CCDC191: variants seen among roughly 807,000 people sequenced by gnomAD.
The protein encoded by CCDC191 is coiled-coil domain containing 191.
In CCDC191, 99 loss-of-function variants were observed where a neutral mutation model predicts 114.0. The ratio of observed to expected loss-of-function variants is 0.87; its 90% CI spans 0.74 to 1.03. The LOEUF is 1.03. Among genes scored for constraint, CCDC191 ranks in the 50% least tolerant of loss-of-function variants. The pLI, the probability that CCDC191 is intolerant of heterozygous loss-of-function variation, is 0.00. For missense variants in CCDC191, 973 were observed against 1,087.0 expected, an observed-to-expected ratio of 0.90 and a Z score of 1.47; for synonymous variants, 351 against 376.0, an observed-to-expected ratio of 0.93 and a Z score of 0.77.
intron 4 of CCDC191, among the ~76,000 whole-genome samples, chr3:114,037,796 A>G (rs2076506584): frequency 6.6e-6 from 1 of 152,230 alleles, no homozygotes. Context: ...TACAATGTAA[A>G]TGCTATGTTA....
intron 8 of CCDC191, among the ~76,000 whole-genome samples, chr3:114,018,323 ATATTT>A (rs143204325): frequency 4.8e-4 from 73 of 150,996 alleles, no homozygotes; most frequent in African/African-American, 1.1e-3. Flanking sequence ...TGTACAATGT[ATATTT>A]TATTTTATTT....
intron 16 of CCDC191, among the ~76,000 whole-genome samples, chr3:113,972,030 T>G (rs972203741): frequency 1.3e-5 from 2 of 152,150 alleles, no homozygotes; most frequent in Non-Finnish European, 2.9e-5. Flanking sequence ...TTATGTCTCC[T>G]TTTTCATTTC....
At position 114,054,722 on chromosome 3, in the gene CCDC191, C is replaced by A. The variant is rs574967505; in HGVS notation, c.91-1087G>T. On this transcript the variant is annotated intron_variant, in intron 1 of 16. Coordinates refer to ENST00000295878, the MANE Select transcript of CCDC191 (RefSeq NM_020817.2). ...AATCAATCTGACTTTTACTGTTTTA[C>A]AAAGCAGAAAATATAAATTTCCACC... 9.5e-4 allele frequency among the ~76,000 whole-genome samples: 144 copies of A among 152,128 alleles called. 1 individual carries two copies. Among genetic ancestry groups the A allele is most frequent in the African/African-American group, 3.3e-3 (139 of 41,504 alleles).
intron 16 of CCDC191, among the ~76,000 whole-genome samples, chr3:113,972,958 T>TA (rs1230593416): frequency 2.0e-5 from 3 of 152,178 alleles, no homozygotes; most frequent in Non-Finnish European, 4.4e-5. Flanking sequence ...ACAGGTGAAG[T>TA]AGGTGTCTTA....
intron 6 of CCDC191, among the ~76,000 whole-genome samples, chr3:114,033,255 G>A (rs1295174515): frequency 6.6e-6 from 1 of 151,938 alleles, no homozygotes; most frequent in Non-Finnish European, 1.5e-5. Flanking sequence ...GTGCCACCAC[G>A]CCCATAAAAG....
intron 11 of CCDC191, chr3:114,004,423 G>C: frequency 1.8e-6 from 2 of 1,115,260 alleles, no homozygotes; most frequent in South Asian, 7.3e-5. Flanking sequence ...TGTTGGCTGG[G>C]AATGCCAAAA....
intron 8 of CCDC191, among the ~76,000 whole-genome samples, chr3:114,013,019 G>A (rs1174927366): frequency 2.0e-5 from 3 of 152,282 alleles, no homozygotes; most frequent in East Asian, 3.9e-4. Context: ...GGAGGCTGAG[G>A]TGAGTGGATC....
At chr3:113,984,635 A>G (rs2075288628) in intron 13 of CCDC191, 1 of 152,220 alleles carries the variant, frequency 6.6e-6, no homozygotes, top group Admixed American at 6.5e-5. Context: ...GTTGTCCTCA[A>G]AGAAGACTCA....
chr3:113,985,000 G>A (rs1296458678), intron 13 of CCDC191, among the ~76,000 whole-genome samples: 1 of 152,156 alleles, frequency 6.6e-6, no homozygotes, highest in African/African-American at 2.4e-5. Flanking sequence ...ACCGGAGGCA[G>A]AAGCCACTGG....
intron 5 of CCDC191, 87 bp from the exon 6 acceptor site, chr3:114,035,235 A>G: frequency 1.1e-6 from 1 of 942,294 alleles, no homozygotes; most frequent in South Asian, 1.6e-5. Context: ...GAAGTTCAGA[A>G]TACAACCAGT....
chr3:114,015,864 T>G (rs948497852), intron 8 of CCDC191, among the ~76,000 whole-genome samples: 11 of 152,192 alleles, frequency 7.2e-5, no homozygotes, highest in African/African-American at 2.4e-4. Context: ...GCAAGATGCA[T>G]TTTTAGAAGA....
chr3:114,053,717 G>T, intron 1 of CCDC191, 82 bp from the exon 2 acceptor site: 1 of 879,128 alleles, frequency 1.1e-6, no homozygotes, highest in Non-Finnish European at 1.8e-6. Context: ...TCTGACTAAA[G>T]CATATGGAAC....
intron 7 of CCDC191, among the ~76,000 whole-genome samples, chr3:114,025,778 C>T (rs1292386033): frequency 6.6e-6 from 1 of 152,142 alleles, no homozygotes; most frequent in African/African-American, 2.4e-5. Context: ...AGACCTTCTT[C>T]CCCATCTCTA....
intron 1 of CCDC191, among the ~76,000 whole-genome samples, chr3:114,053,837 ACT>A (rs1453758759): frequency 6.6e-6 from 1 of 152,196 alleles, no homozygotes; most frequent in Admixed American, 6.5e-5. Context: ...TTCCTGGGAC[ACT>A]GATTGTTTTT....
intron 9 of CCDC191, among the ~76,000 whole-genome samples, chr3:114,008,474 A>G (rs2076011989): frequency 6.6e-6 from 1 of 152,088 alleles, no homozygotes; most frequent in Admixed American, 6.6e-5. Flanking sequence ...TTAATTTCAC[A>G]TGTCTGAATT....
At chr3:114,004,847 C>T (rs2075921935) in intron 10 of CCDC191, 101 bp from the exon 11 acceptor site, 3 of 1,238,170 alleles carry the variant, frequency 2.4e-6, no homozygotes, top group South Asian at 2.9e-5. Context: ...CTTAATGAAT[C>T]CCTACTCTCT....
chr3:114,005,416 A>G (rs1009421161), intron 10 of CCDC191, 92 bp downstream of exon 10: 1 of 1,245,258 alleles, frequency 8.0e-7, no homozygotes, highest in Non-Finnish European at 1.1e-6. Flanking sequence ...AGGAACAATC[A>G]TGGGGCTCAG....
intron 13 of CCDC191, among the ~76,000 whole-genome samples, chr3:113,998,199 G>A (rs1577382395): frequency 6.6e-6 from 1 of 151,148 alleles, no homozygotes; most frequent in Non-Finnish European, 1.5e-5. Flanking sequence ...CCAGCTACTC[G>A]GGAGGCTGAG....
At chr3:113,972,226 TAAAAG>T (rs1459726132) in intron 16 of CCDC191, among the ~76,000 whole-genome samples, 1 of 152,170 alleles carries the variant, frequency 6.6e-6, no homozygotes, top group Non-Finnish European at 1.5e-5. Context: ...ACTTCTCTCT[TAAAAG>T]AAGTTACTGC....
Sources: gnomAD v4.1 joint callset for allele counts (sites outside exome capture counted in the v4.1 genomes callset) on GRCh38, gnomAD v4.1.1 for gene constraint, MANE v1.5 for transcripts, NCBI Gene and HGNC (gene_info 2026-07-23, HGNC 2026-07-21) for gene names.